The following CREB5 variants were observed in gnomAD, a reference collection of about 807,000 sequenced individuals.
CREB5 encodes cyclic AMP-responsive element-binding protein 5.
In CREB5, 19 loss-of-function variants were observed where a neutral mutation model predicts 57.1. The ratio of observed to expected loss-of-function variants is 0.33; its 90% CI spans 0.23 to 0.49. CREB5 has a LOEUF of 0.49. CREB5 is among the 20% of genes least tolerant of loss of function. The probability of loss-of-function intolerance (pLI) is 0.99; values close to 1 mark genes in which losing one functional copy is unlikely to be tolerated. For synonymous variants in CREB5, 238 were observed against 238.3 expected, an observed-to-expected ratio of 1.00 and a Z score of 0.01; for missense variants, 579 against 671.6, an observed-to-expected ratio of 0.86 and a Z score of 1.52.
intron 7 of CREB5, among the ~76,000 whole-genome samples, chr7:28,764,935 G>A (rs1389542953): frequency 2.0e-5 from 3 of 152,042 alleles, no homozygotes; most frequent in South Asian, 2.1e-4. Flanking sequence ...CAGTTTTGCC[G>A]CCTTTCATAG....
rs532079345 is a variant in CREB5, at chr7:28,389,481, A to T, written c.-25+90040A>T. 3.9e-5 allele frequency among the ~76,000 whole-genome samples: 6 copies of T among 152,164 alleles called. No homozygotes were observed. The South Asian group carries it at 1.2e-3, about 32-fold the overall frequency. ...TCCCAAATCTCCATGTAAAATGGAG[A>T]CCTCATGGACATTCCAAATTTTTCT... On this transcript the variant is annotated intron_variant, in intron 1 of 9. Coordinates refer to the CREB5 transcript ENST00000396299.
chr7:28,642,455 A>G (rs1798695810), intron 5 of CREB5, among the ~76,000 whole-genome samples: 1 of 152,218 alleles, frequency 6.6e-6, no homozygotes, highest in Non-Finnish European at 1.5e-5. Flanking sequence ...TATTTAGTTC[A>G]ACAGAATCAT....
At chr7:28,743,217 G>A (rs1216977027) in intron 7 of CREB5, among the ~76,000 whole-genome samples, 2 of 152,148 alleles carry the variant, frequency 1.3e-5, no homozygotes, top group Non-Finnish European at 2.9e-5. Flanking sequence ...CCAGGGAAGT[G>A]GACATTAGAA....
intron 5 of CREB5, among the ~76,000 whole-genome samples, chr7:28,700,206 T>A (rs866834069): frequency 6.6e-6 from 1 of 152,130 alleles, no homozygotes. Flanking sequence ...CTGCTACCAA[T>A]ATCTCTCCAA....
chr7:28,574,782 GA>G (rs1267519880), intron 5 of CREB5, among the ~76,000 whole-genome samples: 1 of 152,182 alleles, frequency 6.6e-6, no homozygotes, highest in African/African-American at 2.4e-5. Flanking sequence ...GCTGCATCAG[GA>G]AACTCAGAAA....
chr7:28,550,392 AG>A (rs1794584564), intron 4 of CREB5, among the ~76,000 whole-genome samples: 1 of 152,226 alleles, frequency 6.6e-6, no homozygotes, highest in Non-Finnish European at 1.5e-5. Context: ...TCTAAGGGAC[AG>A]GGAGATTGGG....
intron 3 of CREB5, among the ~76,000 whole-genome samples, chr7:28,495,816 C>CT (rs1396738214): frequency 1.3e-5 from 2 of 152,128 alleles, no homozygotes; most frequent in Admixed American, 6.6e-5. Flanking sequence ...TGAAGGTGTC[C>CT]TTAGGAAACA....
chr7:28,570,241 C>A, intron 4 of CREB5, 124 bp from the exon 5 acceptor site: 1 of 1,006,544 alleles, frequency 9.9e-7, no homozygotes, highest in Non-Finnish European at 1.5e-6. Context: ...CTATGGCTTG[C>A]CGGAAGCCAT....
rs951089577 is a variant in CREB5, at chr7:28,700,278, T to A, written c.465-18475T>A. ...CATGTTCCCACGATGCAGGGCTAACTTCTCATCTTTCCTGGAACAATTCAT... is the reference window on the plus strand; with the variant it reads ...CATGTTCCCACGATGCAGGGCTAACATCTCATCTTTCCTGGAACAATTCAT... On this transcript the variant is annotated intron_variant, in intron 5 of 10. Transcript: ENST00000357727. Among the ~76,000 whole-genome samples the A allele has an allele frequency of 2.0e-5, 3 of 152,150 alleles. No individual in the cohort carries two copies. The South Asian group carries it at 6.2e-4, about 31-fold the overall frequency.
chr7:28,635,255 A>G (rs899164619), intron 5 of CREB5, among the ~76,000 whole-genome samples: 3 of 152,148 alleles, frequency 2.0e-5, no homozygotes, highest in Non-Finnish European at 4.4e-5. Context: ...CTCATATTTT[A>G]TCCTGCAGGT....
chr7:28,595,716 G>A (rs376213921), intron 5 of CREB5, among the ~76,000 whole-genome samples: 1 of 152,198 alleles, frequency 6.6e-6, no homozygotes, highest in Admixed American at 6.5e-5. Flanking sequence ...ACAGAGCATG[G>A]AAATGGGTCT....
chr7:28,722,414 A>T lies in CREB5; in HGVS notation c.592-1808A>T, dbSNP rs116313871. Among the ~76,000 whole-genome samples, 1,434 of 152,262 alleles carry T rather than the reference A, an allele frequency of 9.4e-3. 35 individuals are homozygous for T. Among genetic ancestry groups the T allele is most frequent in the African/African-American group, 0.032 (1,338 of 41,542 alleles). ...AAATACTATTCCAGCTCTCCCATCC[A>T]CCAGCCTCTGGAAGGGGAGATAAAA... is the stretch of plus-strand genomic sequence containing the variant. On this transcript the variant is annotated intron_variant, in intron 6 of 10. Coordinates refer to ENST00000357727, the MANE Select transcript of CREB5 (RefSeq NM_182898.4).
At chr7:28,653,375 C>T (rs1476618734) in intron 5 of CREB5, among the ~76,000 whole-genome samples, 3 of 152,170 alleles carry the variant, frequency 2.0e-5, no homozygotes, top group Non-Finnish European at 2.9e-5. Flanking sequence ...ATGGCATGCC[C>T]TTTCAGATTT....
At chr7:28,811,081 C>T (rs1006860349) in intron 9 of CREB5, among the ~76,000 whole-genome samples, 27 of 152,282 alleles carry the variant, frequency 1.8e-4, no homozygotes, top group African/African-American at 5.5e-4. Flanking sequence ...TTACTACTCC[C>T]TCCGCCCACT....
Position 28,464,494 on chromosome 7 carries a change from TGC to T in CREB5, c.4-23679_4-23678del, listed in dbSNP as rs1300569740. ...GCCTGATCTCTCCTTTGTGGAAAGT[TGC>T]GTGTGTGTGTGTGTGTGTGTGTGTG... On this transcript the variant is annotated intron_variant, in intron 1 of 10. Transcript: ENST00000357727. Among the ~76,000 whole-genome samples, 560 of 119,068 alleles carry T rather than the reference TGC, an allele frequency of 4.7e-3. 1 individual carries two copies. Among genetic ancestry groups the T allele is most frequent in the East Asian group, 0.025 (94 of 3,792 alleles). The allele number at this position is 119,068 out of a possible 152,430, so 78.1% of individuals were successfully genotyped here. A position where few individuals can be genotyped will look rare whatever the true frequency, so the allele number is the denominator to read the frequency against.
At position 28,687,189 on chromosome 7, in the gene CREB5, C is replaced by T. The variant is rs151289052; in HGVS notation, c.465-31564C>T. On this transcript the variant is annotated intron_variant, in intron 5 of 10. Coordinates refer to ENST00000357727, the MANE Select transcript of CREB5 (RefSeq NM_182898.4). ...AAGGTTAACAGCAATTGTGCATTTG[C>T]TTGAGCATGTTGACATTCTGTTGTT... is the stretch of plus-strand genomic sequence containing the variant. Among the ~76,000 whole-genome samples, 30 of 152,254 alleles carry T rather than the reference C, an allele frequency of 2.0e-4. No homozygotes were observed. In the East Asian group the frequency reaches 5.6e-3, roughly 28 times the overall value.
At chr7:28,760,676 C>T (rs1187266654) in intron 7 of CREB5, among the ~76,000 whole-genome samples, 2 of 151,954 alleles carry the variant, frequency 1.3e-5, no homozygotes, top group African/African-American at 2.4e-5. Context: ...TATGTGCCCA[C>T]TCAGGGCAGG....
chr7:28,446,583 G>A (rs1365126127), intron 1 of CREB5, among the ~76,000 whole-genome samples: 1 of 152,120 alleles, frequency 6.6e-6, no homozygotes, highest in Non-Finnish European at 1.5e-5. Flanking sequence ...ACGAAGTCAG[G>A]AGATCAAGGC....
At chr7:28,738,523 T>C (rs1804164009) in intron 7 of CREB5, among the ~76,000 whole-genome samples, 3 of 152,186 alleles carry the variant, frequency 2.0e-5, no homozygotes, top group Non-Finnish European at 4.4e-5. Flanking sequence ...GGTAGACCAG[T>C]ATGGGGTATG....
Sources: allele counts gnomAD v4.1 joint callset (sites outside exome capture counted in the v4.1 genomes callset), GRCh38; gene constraint gnomAD v4.1.1; transcripts MANE v1.5; gene names NCBI Gene and HGNC (gene_info 2026-07-23, HGNC 2026-07-21).